KIAA0930: variants seen among roughly 807,000 people sequenced by gnomAD.
The protein encoded by KIAA0930 is uncharacterized protein KIAA0930.
KIAA0930 carries 24 observed loss-of-function variants against 43.9 expected under a neutral mutation model. The observed-to-expected ratio is 0.55, with a 90% confidence interval of 0.40 to 0.77. KIAA0930 has a LOEUF of 0.77. Ranked by LOEUF, KIAA0930 falls within the 30% of genes least tolerant of loss-of-function variation. KIAA0930 has a pLI of 0.00. For missense variants in KIAA0930, 461 were observed against 574.2 expected (o/e 0.80, Z 2.02); for synonymous variants, 259 against 216.4 (o/e 1.20, Z -1.73).
At chr22:45,240,446 G>T (rs1486567254) in intron 1 of KIAA0930, among the ~76,000 whole-genome samples, 194 bp downstream of exon 1, 2 of 152,020 alleles carry the variant, frequency 1.3e-5, no homozygotes, top group Non-Finnish European at 2.9e-5. Flanking sequence ...CGGACGGAAA[G>T]CAGAGACAGA....
At chr22:45,225,708 C>G (rs1205860455) in intron 1 of KIAA0930, among the ~76,000 whole-genome samples, 2 of 152,196 alleles carry the variant, frequency 1.3e-5, no homozygotes, top group Non-Finnish European at 2.9e-5. Context: ...CTCGGGGTGC[C>G]TTCCTTACCA....
At chr22:45,202,082 G>C (rs763823351) in intron 7 of KIAA0930, among the ~76,000 whole-genome samples, 5 of 152,268 alleles carry the variant, frequency 3.3e-5, no homozygotes, top group Non-Finnish European at 7.3e-5. Flanking sequence ...CCAAGGTTAT[G>C]AGAGCAGCAG....
Position 45,218,333 on chromosome 22 carries a change from A to ATTTTTTTTTTT in KIAA0930, c.65-6237_65-6227dup, listed in dbSNP as rs752298111. On this transcript the variant is annotated intron_variant, in intron 1 of 9. Coordinates refer to ENST00000336156, the MANE Select transcript of KIAA0930 (RefSeq NM_001009880.2). The stretch of plus-strand genomic sequence containing the variant: ...CCATCACACCCAGCTAATTTTTTTG[A>ATTTTTTTTTTT]TTTTTTTTTTTTTTTTTTTTTTTTT... Among the ~76,000 whole-genome samples the ATTTTTTTTTTT allele has an allele frequency of 9.1e-4, 47 of 51,698 alleles. 2 individuals carry two copies. Among genetic ancestry groups the ATTTTTTTTTTT allele is most frequent in the Non-Finnish European group, 1.2e-3 (35 of 30,130 alleles). The allele number at this position is 51,698 out of a possible 152,430, so 33.9% of individuals were successfully genotyped here.
intron 1 of KIAA0930, among the ~76,000 whole-genome samples, chr22:45,229,128 A>AACC (rs2083831446): frequency 4.0e-4 from 1 of 2,526 alleles, no homozygotes; most frequent in Non-Finnish European, 1.0e-3. Flanking sequence ...TCCACCCCCC[A>AACC]ACCACCAAAC....
rs2083520582 is a variant in KIAA0930, at chr22:45,194,666, A to G, written c.*2510T>C. 6.6e-6 allele frequency: 1 copy of G among 152,194 alleles called. No homozygotes were observed. Among genetic ancestry groups the G allele is most frequent in the Non-Finnish European group, 1.5e-5 (1 of 68,042 alleles). The allele number at this position is 152,194 out of a possible 1,614,324, so 9.4% of individuals were successfully genotyped here. ...TGTCATCTGTTACTTTGGAAAAACA[A>G]ACCTGGGAGTAACACCTTACTGTCT... On this transcript the variant is annotated 3_prime_UTR_variant, in exon 10 of 10. Transcript: ENST00000336156.
intron 1 of KIAA0930, chr22:45,213,409 A>T: frequency 7.7e-6 from 10 of 1,300,418 alleles, no homozygotes; most frequent in Non-Finnish European, 9.1e-6. Flanking sequence ...GGTCTGGGTC[A>T]GCGAGCCTTG....
At chr22:45,235,193 C>G (rs1221281486) in intron 1 of KIAA0930, 2 of 152,304 alleles carry the variant, frequency 1.3e-5, no homozygotes, top group African/African-American at 4.8e-5. Context: ...AGGCTGGAAG[C>G]TGGAGGCGGA....
At chr22:45,203,791 G>A (rs774176782) in intron 6 of KIAA0930, 54 bp downstream of exon 6, 19 of 1,581,836 alleles carry the variant, frequency 1.2e-5, no homozygotes, top group Non-Finnish European at 1.5e-5. Flanking sequence ...GGTGGGCTGT[G>A]GAGCCGCCGT....
intron 2 of KIAA0930, among the ~76,000 whole-genome samples, chr22:45,210,447 G>T: frequency 6.6e-6 from 1 of 152,234 alleles, no homozygotes; most frequent in Admixed American, 6.5e-5. Flanking sequence ...CCTGCCAAGG[G>T]CACTCATATG....
At chr22:45,205,971 C>T (rs1020772979) in intron 2 of KIAA0930, 59 bp from the exon 3 acceptor site, 4 of 1,596,992 alleles carry the variant, frequency 2.5e-6, no homozygotes, top group Non-Finnish European at 3.4e-6. Context: ...CTTCTTCTTC[C>T]CTGACTACTA....
chr22:45,192,658 T>C lies in KIAA0930; in HGVS notation c.*4518A>G, dbSNP rs1246970689. The C allele has an allele frequency of 6.6e-6, 1 of 152,240 alleles. No individual in the cohort carries two copies. Among genetic ancestry groups the C allele is most frequent in the Non-Finnish European group, 1.5e-5 (1 of 68,056 alleles). 9.4% of individuals were successfully genotyped at this position (152,240 alleles called of 1,614,324 possible). On this transcript the variant is annotated 3_prime_UTR_variant, in exon 10 of 10. Coordinates refer to ENST00000336156, the MANE Select transcript of KIAA0930 (RefSeq NM_001009880.2). ...AAGAAAGCGAGCGTGTCGCGGGCTCTGTGGGGTTGCAGGGTCACTGTTATT... is the reference window on the plus strand; with the variant it reads ...AAGAAAGCGAGCGTGTCGCGGGCTCCGTGGGGTTGCAGGGTCACTGTTATT...
At chr22:45,198,409 A>G (rs910823288) in intron 8 of KIAA0930, among the ~76,000 whole-genome samples, 2 of 152,160 alleles carry the variant, frequency 1.3e-5, no homozygotes, top group Non-Finnish European at 2.9e-5. Context: ...AGTGATCAGT[A>G]CTTCTTACTG....
chr22:45,211,912 T>A, intron 2 of KIAA0930, 44 bp downstream of exon 2: 1 of 1,590,302 alleles, frequency 6.3e-7, no homozygotes, highest in Non-Finnish European at 8.5e-7. Context: ...ACCACAGGGA[T>A]GCTTGGGGCA....
At chr22:45,207,223 C>T (rs746692794) in intron 2 of KIAA0930, among the ~76,000 whole-genome samples, 2 of 151,686 alleles carry the variant, frequency 1.3e-5, no homozygotes, top group Non-Finnish European at 2.9e-5. Context: ...GTTGGCCAGG[C>T]TGATCTCGAA....
In KIAA0930 at chr22:45,200,183, C is replaced by G. The variant is rs142954242; in HGVS notation, c.853-148G>C. 4.1e-6 allele frequency: 3 copies of G among 728,068 alleles called. No individual in the cohort carries two copies. In the Admixed American group the frequency reaches 1.1e-4, roughly 27 times the overall value. The allele number at this position is 728,068 out of a possible 1,614,324, so 45.1% of individuals were successfully genotyped here. A position where few individuals can be genotyped will look rare whatever the true frequency, so the allele number is the denominator to read the frequency against. The stretch of plus-strand genomic sequence containing the variant: ...CAGGAGGACCCAGGCCCAGCCGGCC[C>G]GTGCTAGGTGGGGCCTAGAGACTGG... On this transcript the variant is annotated intron_variant, in intron 7 of 9. Coordinates refer to ENST00000336156, the MANE Select transcript of KIAA0930 (RefSeq NM_001009880.2).
At chr22:45,199,796 AAATG>A (rs2083570094) in intron 8 of KIAA0930, 73 bp downstream of exon 8, 5 of 1,313,910 alleles carry the variant, frequency 3.8e-6, no homozygotes, top group South Asian at 1.7e-5. Context: ...ATGAATGAAT[AAATG>A]AATGAATGAC....
chr22:45,219,012 T>C (rs5766557), intron 1 of KIAA0930, among the ~76,000 whole-genome samples: 15,865 of 152,044 alleles, frequency 0.1, 943 homozygotes, highest in East Asian at 0.21. Context: ...TTATTTTCCA[T>C]GGGGATGGTT....
At position 45,192,244 on chromosome 22, in the gene KIAA0930, C is replaced by CA. The variant is rs1443475973; in HGVS notation, c.*4931dup. ...ATTACAGAAAAAGATTAGAGGAAGA[C>CA]ACAGAAAAAAAAAATTTAATATTCA... On this transcript the variant is annotated 3_prime_UTR_variant, in exon 10 of 10. Coordinates refer to ENST00000336156, the MANE Select transcript of KIAA0930 (RefSeq NM_001009880.2). 6.6e-6 allele frequency: 1 copy of CA among 151,532 alleles called. No individual in the cohort carries two copies. The highest frequency in any genetic ancestry group is 2.4e-5 in the African/African-American group (1 of 41,240). 9.4% of individuals were successfully genotyped at this position (151,532 alleles called of 1,614,324 possible). A position where few individuals can be genotyped will look rare whatever the true frequency, so the allele number is the denominator to read the frequency against.
At chr22:45,233,009 T>C (rs945094845) in intron 1 of KIAA0930, among the ~76,000 whole-genome samples, 1 of 152,100 alleles carries the variant, frequency 6.6e-6, no homozygotes, top group Non-Finnish European at 1.5e-5. Flanking sequence ...GGGGCTCAGG[T>C]GGATCCAAGG....
Sources: allele counts gnomAD v4.1 joint callset (sites outside exome capture counted in the v4.1 genomes callset), GRCh38; gene constraint gnomAD v4.1.1; transcripts MANE v1.5; gene names NCBI Gene and HGNC (gene_info 2026-07-23, HGNC 2026-07-21).